ZBTB1: variants seen among roughly 807,000 people sequenced by gnomAD.
ZBTB1 encodes zinc finger and BTB domain containing 1.
A neutral mutation model predicts 51.6 loss-of-function variants in ZBTB1; 13 were observed. The ratio of observed to expected loss-of-function variants is 0.25; its 90% confidence interval spans 0.16 to 0.40. ZBTB1 has a LOEUF of 0.40. Among genes scored for constraint, ZBTB1 ranks in the 10% least tolerant of loss-of-function variants. ZBTB1 has a pLI of 1.00. For synonymous variants in ZBTB1, 240 were observed against 282.2 expected (o/e 0.85, Z 1.50); for missense variants, 567 against 856.5 (o/e 0.66, Z 4.22).
Position 64,521,833 on chromosome 14 carries a change from C to G in ZBTB1, c.329C>G (p.Pro110Arg). ...AMNYLQLYNV[P>R]DCLEDIQDAD... ...AACTACCTACAGCTATACAATGTTCCTGACTGTTTAGAAGACATCCAGGAT... is the reference window on the plus strand; with the variant it reads ...AACTACCTACAGCTATACAATGTTCGTGACTGTTTAGAAGACATCCAGGAT... Residue 110 changes from proline to arginine, a missense_variant, in exon 2 of 2, where the codon CCT (proline) becomes CGT (arginine). Around this residue, in one of 5 missense-constraint regions of ZBTB1, gnomAD observed 69 missense variants for 136.4 expected, o/e 0.51. Coordinates refer to ENST00000683701, the MANE Select transcript of ZBTB1 (RefSeq NM_001123329.2). The G allele has an allele frequency of 6.2e-7, 1 of 1,612,028 alleles. No individual in the cohort carries two copies. Among genetic ancestry groups the G allele is most frequent in the Non-Finnish European group, 8.5e-7 (1 of 1,180,030 alleles).
intron 1 of ZBTB1, among the ~76,000 whole-genome samples, chr14:64,506,616 T>C (rs553772307): frequency 4.6e-5 from 7 of 152,352 alleles, no homozygotes; most frequent in Non-Finnish European, 7.3e-5. Context: ...TTAATAAACA[T>C]AACGTCTACA....
intron 1 of ZBTB1, 111 bp downstream of exon 1, chr14:64,505,057 G>A (rs1343824789): frequency 1.1e-5 from 4 of 371,892 alleles, no homozygotes; most frequent in Non-Finnish European, 9.6e-6. Flanking sequence ...ATCCGTGCGG[G>A]GAGCCGGAGC....
At chr14:64,518,898 A>G (rs1444630517) in intron 1 of ZBTB1, among the ~76,000 whole-genome samples, 2 of 113,684 alleles carry the variant, frequency 1.8e-5, no homozygotes, top group Non-Finnish European at 3.7e-5. Context: ...AACTAGTTGC[A>G]GAGAGGTATA....
chr14:64,529,268 T>A (rs1050119593), downstream of ZBTB1, among the ~76,000 whole-genome samples: 1 of 152,214 alleles, frequency 6.6e-6, no homozygotes, highest in African/African-American at 2.4e-5. Flanking sequence ...CTTCCACATT[T>A]CTATGTCTGT....
At chr14:64,516,594 C>T (rs2079788868) in intron 1 of ZBTB1, 1 of 152,244 alleles carries the variant, frequency 6.6e-6, no homozygotes, top group South Asian at 2.1e-4. Context: ...GTTCTTTCTA[C>T]TACAGCATGA....
Position 64,524,850 on chromosome 14 carries a change from A to G in ZBTB1, c.*1204A>G, listed in dbSNP as rs1022183652. The G allele has an allele frequency of 1.2e-5, 12 of 985,104 alleles. No homozygotes were observed. The highest frequency in any genetic ancestry group is 1.4e-5 in the Non-Finnish European group (12 of 829,628). The allele number at this position is 985,104 out of a possible 1,614,324, so 61.0% of individuals were successfully genotyped here. A position where few individuals can be genotyped will look rare whatever the true frequency, so the allele number is the denominator to read the frequency against. On this transcript the variant is annotated 3_prime_UTR_variant, in exon 2 of 2. Coordinates refer to ENST00000683701, the MANE Select transcript of ZBTB1 (RefSeq NM_001123329.2). Reference sequence around the variant, plus strand: ...AGTTTATCATTTTTTCAGTTAAAGTAGTAGTATTGTTAGTTGTTGCTGACA... The same window carrying G: ...AGTTTATCATTTTTTCAGTTAAAGTGGTAGTATTGTTAGTTGTTGCTGACA...
intron 1 of ZBTB1, chr14:64,514,178 T>G (rs2079755703): frequency 6.6e-6 from 1 of 152,210 alleles, no homozygotes; most frequent in Admixed American, 6.5e-5. Flanking sequence ...TCTGTAATCC[T>G]CAAATCCATA....
intron 2 of ZBTB1, among the ~76,000 whole-genome samples, chr14:64,530,932 T>G (rs2140193058): frequency 6.6e-6 from 1 of 152,316 alleles, no homozygotes; most frequent in African/African-American, 2.4e-5. Flanking sequence ...TTGTATTAAG[T>G]GAAAACACAG....
At position 64,512,127 on chromosome 14, in the gene ZBTB1, A is replaced by G. The variant is rs555569316; in HGVS notation, c.-19+7181A>G. Among the ~76,000 whole-genome samples, 25 of 152,256 alleles carry G rather than the reference A, an allele frequency of 1.6e-4. 1 individual carries two copies. In the South Asian group the frequency reaches 5.2e-3, roughly 32 times the overall value. ...TTTTTTTAAATTGTACTGTGCTTGGATTGAAAAGGCAAAGGAACATTTGTC... is the reference window on the plus strand; with the variant it reads ...TTTTTTTAAATTGTACTGTGCTTGGGTTGAAAAGGCAAAGGAACATTTGTC... On this transcript the variant is annotated intron_variant, in intron 1 of 1. Transcript: ENST00000683701.
At chr14:64,531,865 G>A (rs772661981) in exon 3 of ZBTB1, 1 of 1,613,756 alleles carries the variant, frequency 6.2e-7, no homozygotes. Context: ...TGGCAGTGGT[G>A]AAATAGGGCC....
chr14:64,531,834 T>G, intron 2 of ZBTB1: 2 of 1,613,344 alleles, frequency 1.2e-6, no homozygotes, highest in Non-Finnish European at 1.7e-6. Flanking sequence ...TTATTTTTCT[T>G]GAGTTTTGTC....
At chr14:64,512,851 A>G (rs186260859) in intron 1 of ZBTB1, among the ~76,000 whole-genome samples, 1 of 152,292 alleles carries the variant, frequency 6.6e-6, no homozygotes, top group African/African-American at 2.4e-5. Flanking sequence ...ACCCTGCAAG[A>G]TGGTATTCTA....
At chr14:64,531,928 G>A (rs1232619255) in exon 3 of ZBTB1, 3 of 1,612,586 alleles carry the variant, frequency 1.9e-6, no homozygotes, top group Non-Finnish European at 2.5e-6. Context: ...ACATGGGGAA[G>A]AATCAATCTT....
chr14:64,527,987 TGA>T (rs1316096683), downstream of ZBTB1, among the ~76,000 whole-genome samples: 1 of 152,084 alleles, frequency 6.6e-6, no homozygotes, highest in African/African-American at 2.4e-5. Context: ...TAAGTAATGA[TGA>T]GAGAGGAAAA....
intron 1 of ZBTB1, among the ~76,000 whole-genome samples, chr14:64,510,320 G>T (rs1420759583): frequency 2.0e-5 from 3 of 152,192 alleles, no homozygotes; most frequent in Admixed American, 2.0e-4. Context: ...TTAATAAGTG[G>T]CAGAGCCAGA....
chr14:64,510,579 T>A (rs956886654), intron 1 of ZBTB1, among the ~76,000 whole-genome samples: 2 of 151,998 alleles, frequency 1.3e-5, no homozygotes, highest in Non-Finnish European at 2.9e-5. Context: ...GCAGGGGAAG[T>A]AAGAAATTTA....
In ZBTB1 at chr14:64,504,854, G is replaced by A. The variant is rs1256198536; in HGVS notation, c.-111G>A. On this transcript the variant is annotated 5_prime_UTR_variant, in exon 1 of 2. Transcript: ENST00000683701. Reference sequence around the variant, plus strand: ...AGCGCCGCGCGCCGCCGCCACTGCAGCTCGCGGCCCCTTCGCCTTCGCCCG... The same window carrying A: ...AGCGCCGCGCGCCGCCGCCACTGCAACTCGCGGCCCCTTCGCCTTCGCCCG... 2.5e-6 allele frequency: 1 copy of A among 396,778 alleles called. No homozygotes were observed. The highest frequency in any genetic ancestry group is 4.4e-5 in the Admixed American group (1 of 22,572). 24.6% of individuals were successfully genotyped at this position (396,778 alleles called of 1,614,324 possible). A position where few individuals can be genotyped will look rare whatever the true frequency, so the allele number is the denominator to read the frequency against.
At chr14:64,511,167 C>T (rs2079720762) in intron 1 of ZBTB1, 1 of 152,278 alleles carries the variant, frequency 6.6e-6, no homozygotes, top group South Asian at 2.1e-4. Context: ...ACAAAACGAA[C>T]CCTAAGAATA....
At chr14:64,515,520 A>AT (rs5809234) in intron 1 of ZBTB1, among the ~76,000 whole-genome samples, 12,877 of 134,904 alleles carry the variant, frequency 0.095, 710 homozygotes, top group Non-Finnish European at 0.13. Context: ...ATGCCTCATA[A>AT]TTTTTTTTTT....
Sources: gnomAD v4.1 joint callset for allele counts (sites outside exome capture counted in the v4.1 genomes callset) on GRCh38, gnomAD v4.1.1 for gene constraint, gnomAD v4.1.1 regional missense constraint, MANE v1.5 for transcripts, NCBI Gene and HGNC (gene_info 2026-07-23, HGNC 2026-07-21) for gene names.